KDM5A: variants seen among roughly 807,000 people sequenced by gnomAD.
KDM5A encodes the protein lysine-specific demethylase 5A.
A neutral mutation model predicts 193.5 loss-of-function variants in KDM5A; 42 were observed. The observed-to-expected ratio is 0.22, with a 90% CI of 0.17 to 0.28. The LOEUF (loss-of-function observed/expected upper bound fraction) is 0.28. Ranked by LOEUF, KDM5A falls within the 10% of genes least tolerant of loss-of-function variation. The pLI, the probability that KDM5A is intolerant of heterozygous loss-of-function variation, is 1.00. For missense variants in KDM5A, 1,692 were observed against 2,055.1 expected (o/e 0.82, Z 3.42); for synonymous variants, 796 against 718.1 (o/e 1.11, Z -1.73).
At chr12:301,392 G>A (rs544416380) in intron 24 of KDM5A, among the ~76,000 whole-genome samples, 7 of 152,084 alleles carry the variant, frequency 4.6e-5, no homozygotes, top group African/African-American at 1.7e-4. Context: ...ATCAATAAAC[G>A]TAATCCATCA....
chr12:313,199 AAGAACAATAAAAACAGAGTAGGATGC>A lies in KDM5A; in HGVS notation c.2898-31_2898-6del. On this transcript the variant is annotated splice_polypyrimidine_tract_variant and splice_region_variant and intron_variant, in intron 19 of 27. Transcript: ENST00000399788. Reference sequence around the variant, plus strand: ...CTTGCCACACTGTGCCTCGGTCTAAAAGAACAATAAAAACAGAGTAGGATGCATGAGAAATCAACATTTAAGTAACA... The same window carrying A: ...CTTGCCACACTGTGCCTCGGTCTAAAATGAGAAATCAACATTTAAGTAACA... 6.2e-7 allele frequency: 1 copy of A among 1,614,068 alleles called. No individual in the cohort carries two copies. Among genetic ancestry groups the A allele is most frequent in the Non-Finnish European group, 8.5e-7 (1 of 1,179,940 alleles).
intron 1 of KDM5A, chr12:388,356 C>T: frequency 4.4e-6 from 2 of 450,786 alleles, no homozygotes; most frequent in Non-Finnish European, 4.4e-6. Context: ...TCCACCTCCA[C>T]TATAAACCAA....
rs1943203413 is a variant in KDM5A, at chr12:285,110, G to T, written c.*346C>A. 1 of 357,598 alleles carries T rather than the reference G, an allele frequency of 2.8e-6. No homozygotes were observed. The highest frequency in any genetic ancestry group is 4.2e-5 in the Admixed American group (1 of 23,570). 22.2% of individuals were successfully genotyped at this position (357,598 alleles called of 1,614,324 possible). On this transcript the variant is annotated 3_prime_UTR_variant, in exon 28 of 28. Coordinates refer to ENST00000399788, the MANE Select transcript of KDM5A (RefSeq NM_001042603.3). ...GTAAGCCTCTAACTACTATCAGCTGGACAAAAGCCACATCCTATATGCCCT... is the reference window on the plus strand; with the variant it reads ...GTAAGCCTCTAACTACTATCAGCTGTACAAAAGCCACATCCTATATGCCCT...
chr12:325,595 C>A (rs1471657872), intron 14 of KDM5A, among the ~76,000 whole-genome samples: 1 of 152,164 alleles, frequency 6.6e-6, no homozygotes, highest in Non-Finnish European at 1.5e-5. Flanking sequence ...ATTGCTTGAA[C>A]CTGAGAGGTG....
chr12:310,790 G>T, intron 21 of KDM5A, 95 bp downstream of exon 21: 1 of 1,316,008 alleles, frequency 7.6e-7, no homozygotes, highest in Non-Finnish European at 1.1e-6. Context: ...AGAATCACTT[G>T]TATAATGGTA....
chr12:322,340 C>T (rs931163591), intron 17 of KDM5A, 77 bp downstream of exon 17: 1 of 1,379,264 alleles, frequency 7.3e-7, no homozygotes, highest in African/African-American at 1.4e-5. Context: ...TACGGCTTCA[C>T]AGGCCGGATA....
chr12:379,448 C>T (rs981182989), intron 3 of KDM5A, among the ~76,000 whole-genome samples: 41 of 136,842 alleles, frequency 3.0e-4, no homozygotes, highest in African/African-American at 8.5e-4. Flanking sequence ...TCTTGATCTG[C>T]GTGATGGCTA....
intron 1 of KDM5A, chr12:388,410 T>C (rs1474050982): frequency 9.5e-6 from 4 of 420,854 alleles, no homozygotes; most frequent in African/African-American, 8.2e-5. Flanking sequence ...CTGCTCCTTC[T>C]CTTTCCCCGC....
chr12:293,255 A>T, intron 26 of KDM5A, 86 bp from the exon 27 acceptor site: 1 of 1,156,936 alleles, frequency 8.6e-7, no homozygotes, highest in Non-Finnish European at 1.2e-6. Context: ...CCTAGAATAG[A>T]CACATTCGGA....
chr12:320,884 G>A, intron 18 of KDM5A, 111 bp downstream of exon 18: 1 of 739,452 alleles, frequency 1.4e-6, no homozygotes, highest in Non-Finnish European at 2.4e-6. Flanking sequence ...ATATGTGAGA[G>A]AAAAAAAAAA....
chr12:319,010 T>C (rs562331434), intron 18 of KDM5A, among the ~76,000 whole-genome samples: 166 of 152,296 alleles, frequency 1.1e-3, no homozygotes, highest in African/African-American at 3.7e-3. Context: ...CAAATAATAA[T>C]TGCAAACGCT....
At chr12:312,548 T>C (rs1943601366) in intron 20 of KDM5A, among the ~76,000 whole-genome samples, 1 of 152,196 alleles carries the variant, frequency 6.6e-6, no homozygotes, top group East Asian at 1.9e-4. Context: ...TAAAAACAAG[T>C]AATATTTAAG....
At chr12:339,953 C>G (rs1045580362) in intron 10 of KDM5A, among the ~76,000 whole-genome samples, 6 of 151,324 alleles carry the variant, frequency 4.0e-5, no homozygotes, top group Non-Finnish European at 8.8e-5. Flanking sequence ...CAGGTCACTG[C>G]AGCTTCAACC....
intron 15 of KDM5A, 126 bp from the exon 16 acceptor site, chr12:323,332 A>C: frequency 8.6e-7 from 1 of 1,168,900 alleles, no homozygotes; most frequent in Admixed American, 2.7e-5. Context: ...GGCCAAGGGA[A>C]TGGGATCTTA....
intron 10 of KDM5A, among the ~76,000 whole-genome samples, chr12:347,590 G>T (rs1315552124): frequency 1.3e-5 from 2 of 152,136 alleles, no homozygotes; most frequent in Non-Finnish European, 2.9e-5. Context: ...ACAGAACAGA[G>T]CCCTCAGAAA....
intron 3 of KDM5A, among the ~76,000 whole-genome samples, chr12:367,435 G>A (rs1193754584): frequency 1.3e-5 from 2 of 152,104 alleles, no homozygotes; most frequent in Non-Finnish European, 2.9e-5. Context: ...GGTGGCTTAT[G>A]CCTGTAATCC....
intron 3 of KDM5A, among the ~76,000 whole-genome samples, chr12:368,357 T>C (rs759061546): frequency 3.3e-5 from 5 of 152,164 alleles, no homozygotes; most frequent in Non-Finnish European, 7.3e-5. Context: ...TGATGCTACA[T>C]ATACAATTTT....
At chr12:360,849 A>G (rs1040334781) in intron 5 of KDM5A, among the ~76,000 whole-genome samples, 1 of 152,174 alleles carries the variant, frequency 6.6e-6, no homozygotes, top group Non-Finnish European at 1.5e-5. Flanking sequence ...GTGGGAGAGA[A>G]AGATTTCTCA....
Position 284,500 on chromosome 12 carries a change from T to A in KDM5A, c.*956A>T, listed in dbSNP as rs991039162. ...GGGTCAGGGCTGCAAGGCAAAAAGC[T>A]GTTATTTGCTGGTCTTGCTCATGGC... is the stretch of plus-strand genomic sequence containing the variant. On this transcript the variant is annotated 3_prime_UTR_variant, in exon 28 of 28. Transcript: ENST00000399788. The A allele has an allele frequency of 1.3e-5, 3 of 232,640 alleles. No homozygotes were observed. Among genetic ancestry groups the A allele is most frequent in the Non-Finnish European group, 2.6e-5 (3 of 117,472 alleles). The allele number at this position is 232,640 out of a possible 1,614,324, so 14.4% of individuals were successfully genotyped here.
Sources: gnomAD v4.1 joint callset for allele counts (sites outside exome capture counted in the v4.1 genomes callset) on GRCh38, gnomAD v4.1.1 for gene constraint, MANE v1.5 for transcripts, NCBI Gene and HGNC (gene_info 2026-07-23, HGNC 2026-07-21) for gene names.